The following DIAPH2 variants were observed in gnomAD, a reference collection of about 807,000 sequenced individuals.
DIAPH2 encodes diaphanous related formin 2, also known as protein diaphanous homolog 2.
In DIAPH2, 35 loss-of-function variants were observed where a neutral mutation model predicts 92.7. The observed-to-expected ratio is 0.38, with a 90% CI of 0.29 to 0.50. The LOEUF is 0.50. DIAPH2 is among the 20% of genes least tolerant of loss of function. The probability of loss-of-function intolerance (pLI) is 0.94; values close to 1 mark genes in which losing one functional copy is unlikely to be tolerated. For synonymous variants in DIAPH2, 301 were observed against 280.4 expected (o/e 1.07, Z -0.73); for missense variants, 701 against 819.5 (o/e 0.86, Z 1.77).
At chrX:97,128,034 AGAGGGTTCTT>A (rs771187365) in intron 21 of DIAPH2, among the ~76,000 whole-genome samples, 1 of 111,110 alleles carries the variant, frequency 9.0e-6, no homozygotes, top group African/African-American at 3.3e-5. Flanking sequence ...AGACCCCAAG[AGAGGGTTCTT>A]GGATCTCGCA....
rs182117317 is a variant in DIAPH2, at chrX:96,916,940, T to C, written c.869+366T>C. 8.6e-3 allele frequency among the ~76,000 whole-genome samples: 966 copies of C among 111,731 alleles called. 4 individuals are homozygous for C. Among genetic ancestry groups the C allele is most frequent in the Non-Finnish European group, 0.015 (795 of 52,841 alleles). On this transcript the variant is annotated intron_variant, in intron 8 of 26. Transcript: ENST00000324765. ...TGTGCTGCATATCACACAATTTGAA[T>C]AGATGCCTTTATTTTACATTATCTT...
chrX:97,057,973 G>GT (rs2066569093), intron 17 of DIAPH2, among the ~76,000 whole-genome samples: 1 of 104,427 alleles, frequency 9.6e-6, no homozygotes, highest in East Asian at 2.9e-4. Flanking sequence ...TTTGTTGTCA[G>GT]TAAAAAAAAA....
chrX:97,515,697 A>T (rs2070941226), intron 26 of DIAPH2, among the ~76,000 whole-genome samples: 1 of 111,167 alleles, frequency 9.0e-6, no homozygotes, highest in Non-Finnish European at 1.9e-5. Flanking sequence ...ATCTTCAGAG[A>T]TAAGGATGTT....
chrX:96,789,642 G>A (rs1203747900), intron 4 of DIAPH2, among the ~76,000 whole-genome samples: 1 of 111,891 alleles, frequency 8.9e-6, no homozygotes, highest in South Asian at 3.7e-4. Flanking sequence ...TCTTTTCTTT[G>A]TTAGAGGTGC....
intron 1 of DIAPH2, among the ~76,000 whole-genome samples, chrX:96,733,033 A>G (rs910114213): frequency 8.9e-6 from 1 of 111,771 alleles, no homozygotes; most frequent in Admixed American, 9.5e-5. Context: ...ATCAGGAGGC[A>G]TTGAATATTT....
intron 20 of DIAPH2, among the ~76,000 whole-genome samples, chrX:97,105,142 C>G (rs756597200): frequency 9.0e-6 from 1 of 110,805 alleles, no homozygotes; most frequent in African/African-American, 3.3e-5. Context: ...GGAACAAAAC[C>G]AACAACAAAA....
chrX:97,262,092 T>TAAAAAAAAAAAAAAA lies in DIAPH2; in HGVS notation c.2844+14260_2844+14274dup, dbSNP rs35665297. The stretch of plus-strand genomic sequence containing the variant: ...CAGTGGAGATTCAGTGATGAGAAAC[T>TAAAAAAAAAAAAAAA]AAAAAAAAAAAAAAAAAAAAAGAAA... On this transcript the variant is annotated intron_variant, in intron 23 of 26. Transcript: ENST00000324765. Among the ~76,000 whole-genome samples the TAAAAAAAAAAAAAAA allele has an allele frequency of 6.6e-5, 4 of 60,526 alleles. 1 individual carries two copies. The highest frequency in any genetic ancestry group is 2.9e-5 in the Non-Finnish European group (1 of 34,516). The allele number at this position is 60,526 out of a possible 115,157, so 52.6% of individuals were successfully genotyped here. A position where few individuals can be genotyped will look rare whatever the true frequency, so the allele number is the denominator to read the frequency against.
At chrX:96,713,333 G>A (rs1362686584) in intron 1 of DIAPH2, among the ~76,000 whole-genome samples, 1 of 110,503 alleles carries the variant, frequency 9.0e-6, no homozygotes, top group Non-Finnish European at 1.9e-5. Flanking sequence ...TTTTTTTTAA[G>A]ATGAACTCTA....
At chrX:97,012,491 T>C (rs551461525) in intron 17 of DIAPH2, among the ~76,000 whole-genome samples, 43 of 112,142 alleles carry the variant, frequency 3.8e-4, no homozygotes, top group Middle Eastern at 4.6e-3. Flanking sequence ...CACATGTATA[T>C]CCCATGAAAA....
intron 17 of DIAPH2, among the ~76,000 whole-genome samples, chrX:97,004,278 T>G (rs2066164899): frequency 9.0e-6 from 1 of 111,652 alleles, no homozygotes; most frequent in Non-Finnish European, 1.9e-5. Flanking sequence ...CTCAGTCTTT[T>G]GTGGTTCCAT....
rs779997225 is a variant in DIAPH2 at position 97,267,061 on chromosome X, T to C, written c.2844+19222T>C. Among the ~76,000 whole-genome samples, 13 of 112,048 alleles carry C rather than the reference T, an allele frequency of 1.2e-4. No individual in the cohort carries two copies. In the South Asian group the frequency reaches 3.3e-3, roughly 29 times the overall value. The stretch of plus-strand genomic sequence containing the variant: ...AGAATAAGCTCTCTAATATCTTCTA[T>C]CAAACCAAGAAATGATCTGTTTCAC... On this transcript the variant is annotated intron_variant, in intron 23 of 26. Transcript: ENST00000324765.
intron 17 of DIAPH2, among the ~76,000 whole-genome samples, chrX:96,971,864 A>G (rs1280779695): frequency 8.9e-6 from 1 of 111,749 alleles, no homozygotes; most frequent in Non-Finnish European, 1.9e-5. Flanking sequence ...TAGCTAAAAC[A>G]AATTTTAATG....
chrX:97,572,022 T>C (rs2071373244), intron 26 of DIAPH2, among the ~76,000 whole-genome samples: 1 of 110,479 alleles, frequency 9.1e-6, no homozygotes, highest in African/African-American at 3.3e-5. Context: ...AAGTACGAAG[T>C]GAAGGCTGAT....
chrX:97,125,714 T>A (rs11795414), intron 21 of DIAPH2, among the ~76,000 whole-genome samples: 5,141 of 110,675 alleles, frequency 0.046, 142 homozygotes, highest in Non-Finnish European at 0.074. Context: ...TCTTTCATTT[T>A]AAAAAAATTA....
chrX:97,353,308 C>T (rs1264612608), intron 24 of DIAPH2, among the ~76,000 whole-genome samples: 2 of 110,286 alleles, frequency 1.8e-5, no homozygotes, highest in Non-Finnish European at 3.8e-5. Flanking sequence ...ATCGGTGAAC[C>T]GTATATGTTT....
intron 22 of DIAPH2, among the ~76,000 whole-genome samples, chrX:97,245,660 A>G (rs2147547900): frequency 9.0e-6 from 1 of 110,653 alleles, no homozygotes; most frequent in East Asian, 2.9e-4. Context: ...CAATCCATCC[A>G]CTTTGGCCTC....
chrX:96,809,414 G>A (rs1451223490), intron 4 of DIAPH2, among the ~76,000 whole-genome samples: 6 of 108,931 alleles, frequency 5.5e-5, no homozygotes, highest in Non-Finnish European at 9.5e-5. Flanking sequence ...TATTGTTAAC[G>A]ACAGATATAA....
At chrX:97,094,379 G>C (rs1301299012) in intron 19 of DIAPH2, among the ~76,000 whole-genome samples, 1 of 111,754 alleles carries the variant, frequency 8.9e-6, no homozygotes, top group Non-Finnish European at 1.9e-5. Flanking sequence ...AGATTAGATA[G>C]GAAACCTTTA....
intron 4 of DIAPH2, among the ~76,000 whole-genome samples, chrX:96,790,724 T>TA (rs1011954050): frequency 2.7e-5 from 3 of 111,045 alleles, no homozygotes; most frequent in African/African-American, 9.8e-5. Flanking sequence ...TTTGAAAATT[T>TA]AAAAAAAATG....
Sources: allele counts gnomAD v4.1 joint callset (sites outside exome capture counted in the v4.1 genomes callset), GRCh38; gene constraint gnomAD v4.1.1; transcripts MANE v1.5; gene names NCBI Gene and HGNC (gene_info 2026-07-23, HGNC 2026-07-21).